Variants in TLE1 observed in about 807,000 individuals in gnomAD.
The protein encoded by TLE1 is TLE family member 1, transcriptional corepressor.
In TLE1, 21 loss-of-function variants were observed where a neutral mutation model predicts 89.8. The ratio of observed to expected loss-of-function variants is 0.23; its 90% CI spans 0.17 to 0.34. The LOEUF (loss-of-function observed/expected upper bound fraction) is 0.34. TLE1 is among the 10% of genes least tolerant of loss of function. TLE1 has a pLI of 1.00. For missense variants in TLE1, 795 were observed against 1,031.2 expected, an observed-to-expected ratio of 0.77 and a Z score of 3.14; for synonymous variants, 447 against 407.6, an observed-to-expected ratio of 1.10 and a Z score of -1.16.
intron 4 of TLE1, among the ~76,000 whole-genome samples, chr9:81,678,975 T>G (rs573583857): frequency 4.1e-4 from 62 of 152,068 alleles, no homozygotes; most frequent in Non-Finnish European, 7.6e-4. Flanking sequence ...ACCCCATCTC[T>G]ACCAAAAAAT....
intron 4 of TLE1, among the ~76,000 whole-genome samples, chr9:81,672,541 G>C (rs963329625): frequency 1.3e-5 from 2 of 150,696 alleles, no homozygotes; most frequent in Non-Finnish European, 2.9e-5. Context: ...AAAATCTCAA[G>C]CCCATGGAGT....
chr9:81,654,053 A>G lies in TLE1; in HGVS notation c.235-17T>C. 6.2e-7 allele frequency: 1 copy of G among 1,613,530 alleles called. No homozygotes were observed. The highest frequency in any genetic ancestry group is 1.3e-5 in the African/African-American group (1 of 75,032). On this transcript the variant is annotated splice_polypyrimidine_tract_variant and intron_variant, in intron 4 of 19. Coordinates refer to ENST00000376499, the MANE Select transcript of TLE1 (RefSeq NM_005077.5). Reference sequence around the variant, plus strand: ...GATTTCAGTCTATAAAGACAAAGCCACACAAATGTTTAGAATACTTCACAA... The same window carrying G: ...GATTTCAGTCTATAAAGACAAAGCCGCACAAATGTTTAGAATACTTCACAA...
At chr9:81,643,763 T>G (rs1202149252) in intron 6 of TLE1, among the ~76,000 whole-genome samples, 2 of 152,106 alleles carry the variant, frequency 1.3e-5, no homozygotes, top group Non-Finnish European at 2.9e-5. Flanking sequence ...GTCCAACACC[T>G]GAGCTCAAGC....
At chr9:81,610,134 T>A (rs1823509934) in intron 14 of TLE1, 86 bp downstream of exon 14, 2 of 1,216,132 alleles carry the variant, frequency 1.6e-6, no homozygotes, top group East Asian at 4.8e-5. Flanking sequence ...CGCCCAAGCC[T>A]GTACTCCCTT....
At chr9:81,679,304 CTT>C (rs56022025) in intron 4 of TLE1, among the ~76,000 whole-genome samples, 4 of 151,542 alleles carry the variant, frequency 2.6e-5, no homozygotes, top group Non-Finnish European at 5.9e-5. Flanking sequence ...TTTTTCTTCA[CTT>C]TTTTTTCTTT....
intron 4 of TLE1, among the ~76,000 whole-genome samples, chr9:81,657,094 T>C (rs1712712302): frequency 1.3e-5 from 2 of 152,228 alleles, no homozygotes; most frequent in Admixed American, 1.3e-4. Context: ...ATTCTTCCTC[T>C]AGTTAAACAT....
At chr9:81,663,571 C>T (rs1337556302) in intron 4 of TLE1, among the ~76,000 whole-genome samples, 1 of 151,812 alleles carries the variant, frequency 6.6e-6, no homozygotes, top group East Asian at 1.9e-4. Context: ...CTGTCAATGA[C>T]AGGGTCACCG....
At position 81,668,884 on chromosome 9, in the gene TLE1, G is replaced by A. The variant is rs568557203; in HGVS notation, c.235-14848C>T. Reference sequence around the variant, plus strand: ...GGGGCCACCAGAAGTTACCACTCCTGTAATTCACAAGTTATTTTACAAGTG... The same window carrying A: ...GGGGCCACCAGAAGTTACCACTCCTATAATTCACAAGTTATTTTACAAGTG... On this transcript the variant is annotated intron_variant, in intron 4 of 19. Coordinates refer to ENST00000376499, the MANE Select transcript of TLE1 (RefSeq NM_005077.5). 3.3e-5 allele frequency among the ~76,000 whole-genome samples: 5 copies of A among 152,336 alleles called. No homozygotes were observed. The South Asian group carries it at 6.2e-4, about 19-fold the overall frequency.
chr9:81,640,398 A>T lies in TLE1; in HGVS notation c.373-6097T>A, dbSNP rs925555291. On this transcript the variant is annotated intron_variant, in intron 6 of 19. Coordinates refer to ENST00000376499, the MANE Select transcript of TLE1 (RefSeq NM_005077.5). ...ATTCCACTAACAATTTCAAAAATTAAAAAAAAAAAAAAATCCTTGTATTTT... is the reference window on the plus strand; with the variant it reads ...ATTCCACTAACAATTTCAAAAATTATAAAAAAAAAAAAATCCTTGTATTTT... Among the ~76,000 whole-genome samples, 10 of 84,094 alleles carry T rather than the reference A, an allele frequency of 1.2e-4. No individual in the cohort carries two copies. In the East Asian group the frequency reaches 2.0e-3, roughly 17 times the overall value. The allele number at this position is 84,094 out of a possible 152,430, so 55.2% of individuals were successfully genotyped here.
At chr9:81,623,705 A>G (rs4877220) in intron 8 of TLE1, among the ~76,000 whole-genome samples, 80,505 of 150,860 alleles carry the variant, frequency 0.53, 22,679 homozygotes, top group East Asian at 0.91. Context: ...CACAAGAATC[A>G]CTTGAACCTG....
In TLE1 at chr9:81,584,233, C is replaced by T; in HGVS notation, c.2278G>A (p.Asp760Asn). ...DDKYIVTGSG[D>N]KKATVYEVIY ...ACTTCATAGACTGTAGCCTTCTTGT[C>T]CCCCGAGCCAGTGACTATGTACTTA... The change falls in exon 20 of 20, where the codon GAC becomes AAC. Residue 760 changes from aspartate (D) to asparagine (N), a missense_variant. Physicochemically the swap from Asp to Asn is conservative, Grantham distance 23. This residue lies in a region of TLE1 where 214 missense variants were observed against 354.9 expected (regional missense o/e 0.60). Coordinates refer to ENST00000376499, the MANE Select transcript of TLE1 (RefSeq NM_005077.5). 1 of 1,614,150 alleles carries T rather than the reference C, an allele frequency of 6.2e-7. No homozygotes were observed. The highest frequency in any genetic ancestry group is 1.1e-5 in the South Asian group (1 of 91,090).
At chr9:81,640,753 G>GTTA (rs1423611721) in intron 6 of TLE1, among the ~76,000 whole-genome samples, 1 of 152,164 alleles carries the variant, frequency 6.6e-6, no homozygotes, top group Non-Finnish European at 1.5e-5. Flanking sequence ...CATTCAGAGT[G>GTTA]TTACTGTAAT....
chr9:81,625,375 T>C (rs1825777891), intron 8 of TLE1, among the ~76,000 whole-genome samples: 1 of 152,170 alleles, frequency 6.6e-6, no homozygotes, highest in African/African-American at 2.4e-5. Context: ...TCTTCTGATA[T>C]TACAGCCTGT....
chr9:81,633,298 T>TGC (rs1826924567), intron 8 of TLE1, 50 bp downstream of exon 8: 1 of 294,376 alleles, frequency 3.4e-6, no homozygotes, highest in Admixed American at 2.1e-4. Flanking sequence ...CGTGTGTGTG[T>TGC]GTGTGTGTGT....
At chr9:81,616,777 T>A in intron 9 of TLE1, 78 bp from the exon 10 acceptor site, 2 of 1,553,696 alleles carry the variant, frequency 1.3e-6, no homozygotes, top group Non-Finnish European at 8.9e-7. Flanking sequence ...CTTTCTATAG[T>A]TCCTGGTAGC....
chr9:81,626,560 C>T (rs1825932976), intron 8 of TLE1, among the ~76,000 whole-genome samples: 1 of 152,212 alleles, frequency 6.6e-6, no homozygotes, highest in Non-Finnish European at 1.5e-5. Flanking sequence ...CATATCATAT[C>T]TCAGAACCCT....
intron 10 of TLE1, 47 bp from the exon 11 acceptor site, chr9:81,616,181 C>T (rs771995074): frequency 1.9e-6 from 3 of 1,563,996 alleles, no homozygotes; most frequent in South Asian, 1.2e-5. Context: ...TTGTAACAGA[C>T]AGACTTTTCC....
chr9:81,665,833 T>C (rs148456224), intron 4 of TLE1, among the ~76,000 whole-genome samples: 1 of 149,672 alleles, frequency 6.7e-6, no homozygotes, highest in African/African-American at 2.5e-5. Flanking sequence ...AATGACAAGC[T>C]TGCCAGGCCC....
At chr9:81,586,643 G>T (rs559945797) in intron 17 of TLE1, among the ~76,000 whole-genome samples, 5 of 152,290 alleles carry the variant, frequency 3.3e-5, no homozygotes, top group African/African-American at 1.2e-4. Flanking sequence ...AGTGTCTGGG[G>T]GTGGGAACGA....
Sources: gnomAD v4.1 joint callset for allele counts (sites outside exome capture counted in the v4.1 genomes callset) on GRCh38, gnomAD v4.1.1 for gene constraint, gnomAD v4.1.1 regional missense constraint, MANE v1.5 for transcripts, NCBI Gene and HGNC (gene_info 2026-07-23, HGNC 2026-07-21) for gene names.